Variants in AHI1 observed in about 807,000 individuals in gnomAD.
AHI1 encodes the protein Abelson helper integration site 1, also known as jouberin.
A neutral mutation model predicts 149.3 loss-of-function variants in AHI1; 123 were observed. The observed-to-expected ratio is 0.82, with a 90% CI of 0.71 to 0.96. The LOEUF (loss-of-function observed/expected upper bound fraction) is 0.96, where lower values mean the gene tolerates loss of function less well. AHI1 is among the 40% of genes least tolerant of loss of function. The pLI is 0.00. For synonymous variants in AHI1, 475 were observed against 459.8 expected (o/e 1.03, Z -0.42); for missense variants, 1,439 against 1,422.7 (o/e 1.01, Z -0.18).
intron 26 of AHI1, chr6:135,300,809 A>T: frequency 2.9e-6 from 3 of 1,036,550 alleles, no homozygotes; most frequent in Non-Finnish European, 3.5e-6. Flanking sequence ...GCTTTCAGGT[A>T]TGTGACCAAA....
rs540444068 is a variant in AHI1 at position 135,466,549 on chromosome 6, C to T, written c.190-176G>A. Among the ~76,000 whole-genome samples, 6 of 152,140 alleles carry T rather than the reference C, an allele frequency of 3.9e-5. No individual in the cohort carries two copies. In the East Asian group the frequency reaches 1.2e-3, roughly 29 times the overall value. On this transcript the variant is annotated intron_variant, in intron 6 of 28. Transcript: ENST00000265602. ...TGAGTACTCTCATAATTTATGCTTC[C>T]AGAATTTGATTAGTAATCTCTGAAT...
chr6:135,395,756 TTGAC>T (rs369492623), intron 22 of AHI1, among the ~76,000 whole-genome samples: 19 of 151,998 alleles, frequency 1.3e-4, no homozygotes, highest in African/African-American at 4.6e-4. Flanking sequence ...TTTGGAGAAA[TTGAC>T]AGTCTGATTC....
chr6:135,438,348 AC>A (rs1268969524), intron 15 of AHI1, 26 bp downstream of exon 15: 1 of 1,547,250 alleles, frequency 6.5e-7, no homozygotes, highest in Admixed American at 1.8e-5. Context: ...AACAGCATGC[AC>A]ATAAGTACTT....
chr6:135,301,311 T>C, intron 26 of AHI1: 1 of 972,226 alleles, frequency 1.0e-6, no homozygotes, highest in Non-Finnish European at 1.2e-6. Flanking sequence ...TTAAGTTCAA[T>C]AATATACAAA....
intron 26 of AHI1, among the ~76,000 whole-genome samples, chr6:135,310,987 A>C (rs896092389): frequency 1.3e-5 from 2 of 152,106 alleles, no homozygotes; most frequent in Non-Finnish European, 2.9e-5. Context: ...AAAATGGTTA[A>C]AAAATAGGAT....
chr6:135,308,990 C>G (rs1784837521), intron 26 of AHI1, among the ~76,000 whole-genome samples: 1 of 152,066 alleles, frequency 6.6e-6, no homozygotes, highest in Non-Finnish European at 1.5e-5. Flanking sequence ...CCCAAAGTGG[C>G]AAGAAACAGG....
intron 26 of AHI1, among the ~76,000 whole-genome samples, chr6:135,313,020 T>C (rs1328940990): frequency 1.3e-5 from 2 of 152,216 alleles, no homozygotes; most frequent in Non-Finnish European, 2.9e-5. Flanking sequence ...AATCAAACCA[T>C]ATATATTTTA....
At chr6:135,366,917 T>C (rs1443404572) in intron 23 of AHI1, among the ~76,000 whole-genome samples, 1 of 152,200 alleles carries the variant, frequency 6.6e-6, no homozygotes, top group African/African-American at 2.4e-5. Flanking sequence ...CATTTACGGC[T>C]ATGAACTTTC....
intron 7 of AHI1, among the ~76,000 whole-genome samples, chr6:135,463,646 A>G (rs759908709): frequency 1.3e-5 from 2 of 152,152 alleles, no homozygotes; most frequent in African/African-American, 4.8e-5. Flanking sequence ...CAAGTAAATG[A>G]TTTATCAACC....
chr6:135,417,163 C>T (rs551280886), intron 20 of AHI1, among the ~76,000 whole-genome samples: 1 of 152,112 alleles, frequency 6.6e-6, no homozygotes, highest in South Asian at 2.1e-4. Flanking sequence ...GTTTCATGAT[C>T]TTTGTCTTAT....
rs1562532912 is a variant in AHI1, at chr6:135,340,640, CATATATATACATACATACATATATATAT to C, written c.3166-17344_3166-17317del. 3.0e-4 allele frequency among the ~76,000 whole-genome samples: 22 copies of C among 72,640 alleles called. No homozygotes were observed. The South Asian group carries it at 0.01, about 33-fold the overall frequency. 47.7% of individuals were successfully genotyped at this position (72,640 alleles called of 152,430 possible). ...ACTACACAAAATATAAAAACCAGTACATATATATACATACATACATATATATATATATATATATATATATATATATATA... is the reference window on the plus strand; with the variant it reads ...ACTACACAAAATATAAAAACCAGTACATATATATATATATATATATATATA... On this transcript the variant is annotated intron_variant, in intron 24 of 28. Coordinates refer to ENST00000265602, the MANE Select transcript of AHI1 (RefSeq NM_001134831.2).
intron 24 of AHI1, among the ~76,000 whole-genome samples, chr6:135,344,149 C>T (rs1382020859): frequency 2.6e-5 from 4 of 151,886 alleles, no homozygotes; most frequent in Admixed American, 2.0e-4. Flanking sequence ...ATACCTAATA[C>T]AATGTAAATG....
At chr6:135,394,997 A>G in intron 22 of AHI1, 101 bp from the exon 23 acceptor site, 2 of 1,221,036 alleles carry the variant, frequency 1.6e-6, no homozygotes, top group Non-Finnish European at 2.3e-6. Context: ...ACCAGGACAC[A>G]TGATAGGTCA....
chr6:135,339,138 T>C (rs1789894405), intron 24 of AHI1, among the ~76,000 whole-genome samples: 1 of 152,192 alleles, frequency 6.6e-6, no homozygotes, highest in Non-Finnish European at 1.5e-5. Context: ...TGAATGATTA[T>C]ATCCCTAGGG....
At position 135,312,471 on chromosome 6, in the gene AHI1, A is replaced by T. The variant is rs140986315; in HGVS notation, c.3426+6048T>A. On this transcript the variant is annotated intron_variant, in intron 26 of 28. Transcript: ENST00000265602. ...GGAGGTTGCAGTGAGCTGAGATCTCACCACTGTACTTCAGCTTGGCAATAG... is the reference window on the plus strand; with the variant it reads ...GGAGGTTGCAGTGAGCTGAGATCTCTCCACTGTACTTCAGCTTGGCAATAG... 1.1e-3 allele frequency among the ~76,000 whole-genome samples: 164 copies of T among 152,262 alleles called. 1 individual carries two copies. The highest frequency in any genetic ancestry group is 3.7e-3 in the African/African-American group (155 of 41,540).
chr6:135,440,368 A>C (rs934971549), intron 14 of AHI1, among the ~76,000 whole-genome samples: 1 of 152,186 alleles, frequency 6.6e-6, no homozygotes, highest in African/African-American at 2.4e-5. Flanking sequence ...CAAAGAACTT[A>C]AAATAAAAAC....
At chr6:135,461,002 C>G (rs981564686) in intron 8 of AHI1, among the ~76,000 whole-genome samples, 1 of 152,000 alleles carries the variant, frequency 6.6e-6, no homozygotes, top group Non-Finnish European at 1.5e-5. Flanking sequence ...AAAATATCTT[C>G]AGAACTTAGG....
intron 5 of AHI1, among the ~76,000 whole-genome samples, chr6:135,477,964 AT>A (rs368395390): frequency 2.1e-4 from 31 of 149,766 alleles, no homozygotes; most frequent in African/African-American, 9.8e-5. Context: ...CACCCGGCTA[AT>A]TTTTTTTTTA....
chr6:135,391,816 G>A (rs989073542), intron 23 of AHI1, among the ~76,000 whole-genome samples: 4 of 152,168 alleles, frequency 2.6e-5, no homozygotes, highest in Admixed American at 2.0e-4. Context: ...ATGGGATTTT[G>A]CAGTTGGGGA....
Sources: gnomAD v4.1 joint callset for allele counts (sites outside exome capture counted in the v4.1 genomes callset) on GRCh38, gnomAD v4.1.1 for gene constraint, MANE v1.5 for transcripts, NCBI Gene and HGNC (gene_info 2026-07-23, HGNC 2026-07-21) for gene names.